DNAJC5B: variants seen among roughly 807,000 people sequenced by gnomAD.
DNAJC5B encodes the protein DnaJ heat shock protein family (Hsp40) member C5 beta.
In DNAJC5B, 23 loss-of-function variants were observed where a neutral mutation model predicts 24.7. The observed-to-expected ratio is 0.93, with a 90% CI of 0.67 to 1.32. The LOEUF is 1.32. DNAJC5B is among the 40% of genes most tolerant of loss of function. DNAJC5B has a pLI of 0.00. For synonymous variants in DNAJC5B, 101 were observed against 90.1 expected (o/e 1.12, Z -0.68); for missense variants, 238 against 240.8 (o/e 0.99, Z 0.08).
At chr8:66,069,655 T>C (rs1215746156) in intron 3 of DNAJC5B, among the ~76,000 whole-genome samples, 1 of 152,196 alleles carries the variant, frequency 6.6e-6, no homozygotes, top group Non-Finnish European at 1.5e-5. Flanking sequence ...TACCATTCCT[T>C]CTGAAACTAT....
At chr8:66,035,657 A>G (rs528477861) in intron 1 of DNAJC5B, among the ~76,000 whole-genome samples, 1 of 152,232 alleles carries the variant, frequency 6.6e-6, no homozygotes, top group Non-Finnish European at 1.5e-5. Context: ...AACCCTGCAG[A>G]CACCTTGACT....
Position 66,100,167 on chromosome 8 carries a change from T to C in DNAJC5B, c.*136T>C. On this transcript the variant is annotated 3_prime_UTR_variant, in exon 6 of 6. Coordinates refer to ENST00000276570, the MANE Select transcript of DNAJC5B (RefSeq NM_033105.6). The stretch of plus-strand genomic sequence containing the variant: ...GTTTTATTTTTGGGTTAGGAAAACA[T>C]GATTGCTATATAATTTTCTCAGTAT... The C allele has an allele frequency of 1.5e-6, 1 of 674,716 alleles. No individual in the cohort carries two copies. The highest frequency in any genetic ancestry group is 2.4e-6 in the Non-Finnish European group (1 of 412,224). 41.8% of individuals were successfully genotyped at this position (674,716 alleles called of 1,614,324 possible).
At chr8:66,057,547 G>T (rs184245338) in intron 3 of DNAJC5B, 8 of 152,224 alleles carry the variant, frequency 5.3e-5, no homozygotes, top group Admixed American at 1.3e-4. Flanking sequence ...CCCACATTTG[G>T]CAAAAAATAG....
chr8:66,036,102 A>G (rs1408213409), intron 1 of DNAJC5B, among the ~76,000 whole-genome samples: 1 of 152,166 alleles, frequency 6.6e-6, no homozygotes, highest in Non-Finnish European at 1.5e-5. Flanking sequence ...AAACACCCCA[A>G]TGAGCTGGCC....
At chr8:66,088,802 C>T (rs1807784693) in intron 5 of DNAJC5B, among the ~76,000 whole-genome samples, 2 of 152,110 alleles carry the variant, frequency 1.3e-5, no homozygotes, top group African/African-American at 4.8e-5. Flanking sequence ...TCTGAGACCA[C>T]CTCAGCCTGG....
In DNAJC5B at chr8:66,051,512, G is replaced by C. The variant is rs201092999; in HGVS notation, c.-17-19G>C. 3.4e-6 allele frequency: 5 copies of C among 1,471,776 alleles called. No individual in the cohort carries two copies. Among genetic ancestry groups the C allele is most frequent in the Non-Finnish European group, 3.8e-6 (4 of 1,055,200 alleles). The allele number at this position is 1,471,776 out of a possible 1,614,324, so 91.2% of individuals were successfully genotyped here. A position where few individuals can be genotyped will look rare whatever the true frequency, so the allele number is the denominator to read the frequency against. On this transcript the variant is annotated intron_variant, in intron 2 of 5. Coordinates refer to ENST00000276570, the MANE Select transcript of DNAJC5B (RefSeq NM_033105.6). The stretch of plus-strand genomic sequence containing the variant: ...GGAAGTAGTGTGCATAACCTTCATG[G>C]CTATTTTCTCCCCTTTAGTTTTGCA...
chr8:66,076,955 T>G, intron 4 of DNAJC5B, 82 bp downstream of exon 4: 4 of 1,439,976 alleles, frequency 2.8e-6, no homozygotes, highest in South Asian at 1.2e-5. Flanking sequence ...TCAAAGGAAG[T>G]CTAACCTTCC....
intron 1 of DNAJC5B, among the ~76,000 whole-genome samples, chr8:66,036,820 C>T (rs185808309): frequency 9.2e-5 from 14 of 152,272 alleles, no homozygotes; most frequent in Admixed American, 9.2e-4. Context: ...TTTGCTCAGG[C>T]TTCTAAGAAA....
chr8:66,090,283 T>TAG lies in DNAJC5B; in HGVS notation c.506-9636_506-9635dup, dbSNP rs142117794. Among the ~76,000 whole-genome samples, 51 of 122,186 alleles carry TAG rather than the reference T, an allele frequency of 4.2e-4. 2 individuals are homozygous for TAG. The highest frequency in any genetic ancestry group is 7.5e-4 in the African/African-American group (26 of 34,780). The allele number at this position is 122,186 out of a possible 152,430, so 80.2% of individuals were successfully genotyped here. On this transcript the variant is annotated intron_variant, in intron 5 of 5. Coordinates refer to ENST00000276570, the MANE Select transcript of DNAJC5B (RefSeq NM_033105.6). ...TGTGTGTGTGTGTGTGTGTGTGTGG[T>TAG]AGAGAGAGAGAGAGAGAGAAGGTAT...
chr8:66,019,903 G>A (rs1041267675), upstream of DNAJC5B, among the ~76,000 whole-genome samples: 1 of 152,162 alleles, frequency 6.6e-6, no homozygotes, highest in South Asian at 2.1e-4. Flanking sequence ...TGGAAGAAAG[G>A]GCAATAATTA....
At chr8:66,032,519 C>G (rs1382394892) in intron 1 of DNAJC5B, among the ~76,000 whole-genome samples, 1 of 152,208 alleles carries the variant, frequency 6.6e-6, no homozygotes, top group East Asian at 1.9e-4. Flanking sequence ...GAGGCAGTGA[C>G]AGTGCCCCCA....
chr8:66,030,884 A>T (rs1280147382), intron 1 of DNAJC5B, among the ~76,000 whole-genome samples: 1 of 152,142 alleles, frequency 6.6e-6, no homozygotes, highest in Non-Finnish European at 1.5e-5. Flanking sequence ...AGATCTGCCT[A>T]CCTCGTCCTC....
At chr8:66,060,763 G>A (rs1807063482) in intron 3 of DNAJC5B, among the ~76,000 whole-genome samples, 1 of 152,152 alleles carries the variant, frequency 6.6e-6, no homozygotes, top group Non-Finnish European at 1.5e-5. Flanking sequence ...AGTATGTCTA[G>A]AGTCTCTGAC....
chr8:66,037,157 C>T (rs562782700), intron 1 of DNAJC5B, among the ~76,000 whole-genome samples: 18 of 152,276 alleles, frequency 1.2e-4, no homozygotes, highest in African/African-American at 2.6e-4. Context: ...CAGTTGTTGC[C>T]TCAACAGCAG....
In DNAJC5B at chr8:66,026,882, C is replaced by T. The variant is rs189479348; in HGVS notation, c.-142+5177C>T. On this transcript the variant is annotated intron_variant, in intron 1 of 5. Coordinates refer to ENST00000276570, the MANE Select transcript of DNAJC5B (RefSeq NM_033105.6). ...TTTTCCCCTCATCTTTGCTGACCTC[C>T]GGAGGCATGCTTCATGCTGCTCCAG... Among the ~76,000 whole-genome samples, 70 of 152,294 alleles carry T rather than the reference C, an allele frequency of 4.6e-4. 1 individual carries two copies. The highest frequency in any genetic ancestry group is 3.1e-3 in the Admixed American group (48 of 15,310).
intron 1 of DNAJC5B, among the ~76,000 whole-genome samples, chr8:66,030,837 A>C (rs1806344472): frequency 6.6e-6 from 1 of 152,120 alleles, no homozygotes; most frequent in African/African-American, 2.4e-5. Flanking sequence ...GGGTTTCACC[A>C]TGTTGGCCAG....
At chr8:66,066,883 T>G (rs1368421681) in intron 3 of DNAJC5B, among the ~76,000 whole-genome samples, 1 of 152,156 alleles carries the variant, frequency 6.6e-6, no homozygotes, top group African/African-American at 2.4e-5. Flanking sequence ...TATTTAAGAA[T>G]AAATACATAA....
chr8:66,058,649 T>G lies in DNAJC5B; in HGVS notation c.119+6983T>G, dbSNP rs36111143. On this transcript the variant is annotated intron_variant, in intron 3 of 5. Transcript: ENST00000276570. ...TTACAGAATTAACCATAAAGCAGCC[T>G]CAAAGACCTATCTCAGTCCCTCCTG... Among the ~76,000 whole-genome samples, 638 of 152,364 alleles carry G rather than the reference T, an allele frequency of 4.2e-3. 2 individuals carry two copies. Among genetic ancestry groups the G allele is most frequent in the Non-Finnish European group, 6.3e-3 (429 of 68,034 alleles).
At chr8:66,069,874 C>T (rs1807307036) in intron 3 of DNAJC5B, among the ~76,000 whole-genome samples, 1 of 152,204 alleles carries the variant, frequency 6.6e-6, no homozygotes, top group South Asian at 2.1e-4. Context: ...AACAAGTTGG[C>T]TTCATCCCTA....
Sources: gnomAD v4.1 joint callset for allele counts (sites outside exome capture counted in the v4.1 genomes callset) on GRCh38, gnomAD v4.1.1 for gene constraint, MANE v1.5 for transcripts, NCBI Gene and HGNC (gene_info 2026-07-23, HGNC 2026-07-21) for gene names.